Variants in SCAPER observed in about 807,000 individuals in gnomAD.
SCAPER encodes the protein S-phase cyclin A associated protein in the ER.
In SCAPER, 98 loss-of-function variants were observed where a neutral mutation model predicts 182.2. The observed-to-expected ratio is 0.54, with a 90% CI of 0.46 to 0.64. The LOEUF (loss-of-function observed/expected upper bound fraction) is 0.64. Ranked by LOEUF, SCAPER falls within the 30% of genes least tolerant of loss-of-function variation. The probability of loss-of-function intolerance (pLI) is 0.00; values close to 1 mark genes in which losing one functional copy is unlikely to be tolerated. For missense variants in SCAPER, 1,432 were observed against 1,690.0 expected (o/e 0.85, Z 2.68); for synonymous variants, 605 against 564.6 (o/e 1.07, Z -1.01).
At chr15:76,720,652 T>A (rs1005710683) in intron 17 of SCAPER, among the ~76,000 whole-genome samples, 3 of 152,200 alleles carry the variant, frequency 2.0e-5, no homozygotes, top group African/African-American at 4.8e-5. Context: ...CTCATTGTGG[T>A]TTTGATTTGC....
At chr15:76,623,879 A>G (rs1190056431) in intron 21 of SCAPER, among the ~76,000 whole-genome samples, 2 of 152,172 alleles carry the variant, frequency 1.3e-5, no homozygotes, top group Admixed American at 6.6e-5. Context: ...AAAAACCCTC[A>G]ACAGACTAGA....
chr15:76,665,657 A>G lies in SCAPER; in HGVS notation c.2641T>C (p.Phe881Leu), dbSNP rs990383692. The change falls in exon 21 of 32, where the codon TTC becomes CTC. Residue 881 changes from phenylalanine to leucine, a missense_variant. Physicochemically the swap from Phe to Leu is conservative, Grantham distance 22 (BLOSUM62 0). Coordinates refer to ENST00000563290, the MANE Select transcript of SCAPER (RefSeq NM_020843.4). ...TTTTAAGGGTATTTAAGGTACCTGAAGTTCATCCGGGCTTTTATCTTTTTG... is the reference window on the plus strand; with the variant it reads ...TTTTAAGGGTATTTAAGGTACCTGAGGTTCATCCGGGCTTTTATCTTTTTG... The part of the protein sequence containing the change: ...KAKKIKARMN[F>L]RAKEYESLME... The G allele has an allele frequency of 1.9e-6, 3 of 1,588,620 alleles. No homozygotes were observed. The African/African-American group carries it at 4.1e-5, about 22-fold the overall frequency.
At chr15:76,689,418 T>G (rs2058221996) in intron 20 of SCAPER, among the ~76,000 whole-genome samples, 1 of 152,064 alleles carries the variant, frequency 6.6e-6, no homozygotes, top group African/African-American at 2.4e-5. Context: ...TTTTAATGAT[T>G]TTAAAGAGGC....
At chr15:76,488,704 A>G (rs2051918735) in intron 24 of SCAPER, among the ~76,000 whole-genome samples, 2 of 103,862 alleles carry the variant, frequency 1.9e-5, no homozygotes, top group East Asian at 4.0e-4. Flanking sequence ...TCCTGATAAC[A>G]GTACACTGCC....
intron 8 of SCAPER, among the ~76,000 whole-genome samples, chr15:76,776,713 C>T (rs1026712927): frequency 1.3e-5 from 2 of 152,138 alleles, no homozygotes; most frequent in African/African-American, 4.8e-5. Context: ...CTTCTCCCCT[C>T]CTTAGTGTGA....
Position 76,700,153 on chromosome 15 carries a change from G to A in SCAPER, c.2508+1605C>T, listed in dbSNP as rs759372900. ...GAGATGCCATCAGACCAGAGTGCTC[G>A]GATTACACTGGCCCTGTCCCACTGT... On this transcript the variant is annotated intron_variant, in intron 20 of 31. Coordinates refer to ENST00000563290, the MANE Select transcript of SCAPER (RefSeq NM_020843.4). 8.5e-5 allele frequency among the ~76,000 whole-genome samples: 13 copies of A among 152,294 alleles called. No individual in the cohort carries two copies. The South Asian group carries it at 2.1e-3, about 24-fold the overall frequency.
chr15:76,892,537 A>C lies in SCAPER; in HGVS notation c.-59-8661T>G, dbSNP rs535745942. Among the ~76,000 whole-genome samples, 6 of 152,380 alleles carry C rather than the reference A, an allele frequency of 3.9e-5. No homozygotes were observed. In the East Asian group the frequency reaches 1.2e-3, roughly 29 times the overall value. On this transcript the variant is annotated intron_variant, in intron 1 of 31. Coordinates refer to ENST00000563290, the MANE Select transcript of SCAPER (RefSeq NM_020843.4). ...ATATGAACAGACACTTCTCTAAAGA[A>C]GACATTTATACAGCCAACAGACACA...
At chr15:76,448,016 C>T (rs2048116644) in intron 25 of SCAPER, among the ~76,000 whole-genome samples, 2 of 152,054 alleles carry the variant, frequency 1.3e-5, no homozygotes. Context: ...CATGAGGAAA[C>T]AGCATGAAAG....
chr15:76,559,302 T>G (rs1417424876), intron 23 of SCAPER, among the ~76,000 whole-genome samples: 1 of 150,076 alleles, frequency 6.7e-6, no homozygotes, highest in African/African-American at 2.5e-5. Context: ...GTGATCCACC[T>G]GCCTTGGCTT....
intron 17 of SCAPER, among the ~76,000 whole-genome samples, chr15:76,725,424 A>G (rs1435874851): frequency 6.6e-6 from 1 of 151,752 alleles, no homozygotes; most frequent in African/African-American, 2.4e-5. Context: ...CATTAAAAAA[A>G]AAAAGCCATA....
At chr15:76,540,060 A>G (rs1402608692) in intron 23 of SCAPER, among the ~76,000 whole-genome samples, 1 of 152,192 alleles carries the variant, frequency 6.6e-6, no homozygotes, top group Non-Finnish European at 1.5e-5. Flanking sequence ...AATAATTCCC[A>G]GGGTGAAGTA....
intron 29 of SCAPER, among the ~76,000 whole-genome samples, chr15:76,375,592 T>C (rs1369549570): frequency 6.6e-6 from 1 of 152,178 alleles, no homozygotes; most frequent in Non-Finnish European, 1.5e-5. Flanking sequence ...GGTAAGAGAG[T>C]ACATGCTTCT....
chr15:76,357,188 A>ACACACCCCC (rs774672151), intron 29 of SCAPER, among the ~76,000 whole-genome samples: 1 of 149,072 alleles, frequency 6.7e-6, no homozygotes, highest in African/African-American at 2.5e-5. Context: ...ACACACACAC[A>ACACACCCCC]CCCCTATGGC....
intron 21 of SCAPER, among the ~76,000 whole-genome samples, chr15:76,628,428 A>T (rs914818545): frequency 4.6e-5 from 7 of 152,228 alleles, no homozygotes; most frequent in African/African-American, 1.7e-4. Flanking sequence ...TTAAGTCTTT[A>T]ATCCATCTTG....
At chr15:76,443,054 A>T (rs963212057) in intron 25 of SCAPER, among the ~76,000 whole-genome samples, 3 of 152,328 alleles carry the variant, frequency 2.0e-5, no homozygotes, top group African/African-American at 2.4e-5. Context: ...CCACTGAGGG[A>T]ATCACCTTCT....
At chr15:76,867,033 T>C (rs915453897) in intron 2 of SCAPER, among the ~76,000 whole-genome samples, 3 of 152,194 alleles carry the variant, frequency 2.0e-5, no homozygotes, top group Non-Finnish European at 4.4e-5. Context: ...GTACATAATC[T>C]AAGAAAGTGT....
intron 1 of SCAPER, 28 bp downstream of exon 1, chr15:76,905,271 G>T: frequency 7.8e-6 from 2 of 255,108 alleles, no homozygotes; most frequent in Admixed American, 1.1e-4. Context: ...CCGGGTCTGC[G>T]CTACGCACGC....
chr15:76,432,976 T>TTACTA (rs1022560570), intron 26 of SCAPER, among the ~76,000 whole-genome samples: 1 of 152,202 alleles, frequency 6.6e-6, no homozygotes, highest in South Asian at 2.1e-4. Context: ...CTTAAAGGGG[T>TTACTA]TACTATACTA....
intron 17 of SCAPER, among the ~76,000 whole-genome samples, chr15:76,723,208 G>C (rs191491469): frequency 1.3e-5 from 2 of 152,068 alleles, no homozygotes; most frequent in Non-Finnish European, 2.9e-5. Context: ...TTCAGGAGCC[G>C]GTTGTTCAGT....
Sources: allele counts gnomAD v4.1 joint callset (sites outside exome capture counted in the v4.1 genomes callset), GRCh38; gene constraint gnomAD v4.1.1; transcripts MANE v1.5; gene names NCBI Gene and HGNC (gene_info 2026-07-23, HGNC 2026-07-21).